Variants in CLIP2 observed in about 807,000 individuals in gnomAD.
The protein encoded by CLIP2 is CAP-Gly domain-containing linker protein 2.
Under a neutral mutation model 111.7 loss-of-function variants are expected in CLIP2, and 41 were observed. The ratio of observed to expected loss-of-function variants is 0.37; its 90% confidence interval spans 0.29 to 0.48. The LOEUF is 0.48. Ranked by LOEUF, CLIP2 falls within the 20% of genes least tolerant of loss-of-function variation. The pLI, the probability that CLIP2 is intolerant of heterozygous loss-of-function variation, is 0.99. For synonymous variants in CLIP2, 660 were observed against 644.2 expected (o/e 1.02, Z -0.37); for missense variants, 1,160 against 1,422.1 (o/e 0.82, Z 2.96).
chr7:74,381,067 CT>C, intron 11 of CLIP2: 8 of 414,666 alleles, frequency 1.9e-5, no homozygotes, highest in South Asian at 7.9e-5. Flanking sequence ...AAGTTGCTGT[CT>C]TTTTTTTCTT....
chr7:74,292,283 G>A lies in CLIP2; in HGVS notation c.-68+2549G>A, dbSNP rs993365846. On this transcript the variant is annotated intron_variant, in intron 1 of 16. Coordinates refer to ENST00000223398, the MANE Select transcript of CLIP2 (RefSeq NM_003388.5). ...CTTCCATACACAGGGGAGGGAAGCT[G>A]CATTTGTGACCCTCAGATTCCCTGC... Among the ~76,000 whole-genome samples, 6 of 152,172 alleles carry A rather than the reference G, an allele frequency of 3.9e-5. No homozygotes were observed. The South Asian group carries it at 8.3e-4, about 21-fold the overall frequency.
chr7:74,300,638 A>G (rs1788311222), intron 1 of CLIP2, among the ~76,000 whole-genome samples: 1 of 151,564 alleles, frequency 6.6e-6, no homozygotes, highest in Non-Finnish European at 1.5e-5. Flanking sequence ...TTATATTTTT[A>G]GTAGAGACGG....
intron 8 of CLIP2, among the ~76,000 whole-genome samples, chr7:74,366,557 A>C (rs1790473647): frequency 6.6e-6 from 1 of 152,240 alleles, no homozygotes; most frequent in African/African-American, 2.4e-5. Context: ...GCACAAACAT[A>C]TGCTTTCGCA....
chr7:74,384,215 A>G (rs1407769043), intron 11 of CLIP2, among the ~76,000 whole-genome samples: 3 of 151,880 alleles, frequency 2.0e-5, no homozygotes, highest in African/African-American at 4.8e-5. Flanking sequence ...CAACAAAACA[A>G]AACAAAAAAG....
intron 3 of CLIP2, among the ~76,000 whole-genome samples, chr7:74,349,173 C>T (rs1044995145): frequency 1.3e-5 from 2 of 151,832 alleles, no homozygotes; most frequent in African/African-American, 2.4e-5. Context: ...TAGCTTACGC[C>T]TGTAATCCCA....
intron 1 of CLIP2, among the ~76,000 whole-genome samples, chr7:74,300,798 A>T (rs1205051639): frequency 2.0e-5 from 3 of 152,180 alleles, no homozygotes; most frequent in Non-Finnish European, 4.4e-5. Context: ...TCCGTGGTAG[A>T]CATATACCGC....
intron 1 of CLIP2, among the ~76,000 whole-genome samples, chr7:74,312,410 C>T (rs1380531411): frequency 2.0e-5 from 3 of 152,090 alleles, no homozygotes; most frequent in African/African-American, 7.2e-5. Flanking sequence ...TCTCCCTTCT[C>T]TGCATCTGGA....
intron 3 of CLIP2, among the ~76,000 whole-genome samples, chr7:74,339,386 A>G (rs1356967070): frequency 6.6e-6 from 1 of 151,736 alleles, no homozygotes; most frequent in East Asian, 1.9e-4. Flanking sequence ...GCTCACTGTA[A>G]CCTCCACCTC....
Position 74,396,584 on chromosome 7 carries a change from G to A in CLIP2, c.2721-490G>A, listed in dbSNP as rs182006004. Among the ~76,000 whole-genome samples the A allele has an allele frequency of 1.3e-3, 202 of 152,148 alleles. 2 individuals carry two copies. Among genetic ancestry groups the A allele is most frequent in the South Asian group, 7.5e-3 (36 of 4,812 alleles). ...TGCCCAGGCTGGAGTGCAATGGCAC[G>A]ATCTTGGCTCACTGCAACCTCCACC... On this transcript the variant is annotated intron_variant, in intron 13 of 16. Transcript: ENST00000223398.
intron 2 of CLIP2, among the ~76,000 whole-genome samples, chr7:74,336,879 T>TG (rs1789484869): frequency 2.1e-5 from 1 of 48,318 alleles, no homozygotes; most frequent in South Asian, 7.9e-4. Context: ...TTTTTTGTTT[T>TG]TTTTTGTTTT....
At chr7:74,379,722 C>T (rs1437305599) in intron 10 of CLIP2, among the ~76,000 whole-genome samples, 3 of 151,012 alleles carry the variant, frequency 2.0e-5, no homozygotes, top group African/African-American at 7.3e-5. Flanking sequence ...GCCGAGATCA[C>T]GCCACTGCAC....
chr7:74,359,722 C>G (rs1790270668), intron 6 of CLIP2, among the ~76,000 whole-genome samples: 1 of 152,112 alleles, frequency 6.6e-6, no homozygotes, highest in East Asian at 1.9e-4. Context: ...TTGCCCCAAG[C>G]CTTGGGGCTG....
chr7:74,356,672 G>A, intron 5 of CLIP2, 49 bp downstream of exon 5: 1 of 1,532,300 alleles, frequency 6.5e-7, no homozygotes, highest in East Asian at 2.3e-5. Context: ...GTTTGGGAGG[G>A]GTGAGGATGT....
At position 74,405,651 on chromosome 7, in the gene CLIP2, T is replaced by C. The variant is rs543701944; in HGVS notation, c.*1803T>C. On this transcript the variant is annotated 3_prime_UTR_variant, in exon 17 of 17. Coordinates refer to ENST00000223398, the MANE Select transcript of CLIP2 (RefSeq NM_003388.5). ...AAATCAGGCAGCTCTGCCCCATCGG[T>C]AGGGGCACCGATTAGTCTACTAACA... The C allele has an allele frequency of 5.2e-5, 8 of 152,736 alleles. No homozygotes were observed. Among genetic ancestry groups the C allele is most frequent in the African/African-American group, 1.9e-4 (8 of 41,560 alleles). The allele number at this position is 152,736 out of a possible 1,614,324, so 9.5% of individuals were successfully genotyped here.
chr7:74,363,641 T>C (rs1384894236), intron 7 of CLIP2, among the ~76,000 whole-genome samples: 1 of 152,028 alleles, frequency 6.6e-6, no homozygotes, highest in African/African-American at 2.4e-5. Flanking sequence ...TCCCAGCACT[T>C]TGGGAGGCTG....
Position 74,376,903 on chromosome 7 carries a change from C to T in CLIP2, c.2421+81C>T. 6 of 1,306,656 alleles carry T rather than the reference C, an allele frequency of 4.6e-6. No homozygotes were observed. Among genetic ancestry groups the T allele is most frequent in the South Asian group, 1.5e-5 (1 of 65,382 alleles). The allele number at this position is 1,306,656 out of a possible 1,614,324, so 80.9% of individuals were successfully genotyped here. On this transcript the variant is annotated intron_variant, in intron 10 of 16. Coordinates refer to ENST00000223398, the MANE Select transcript of CLIP2 (RefSeq NM_003388.5). The surrounding 1 kb of genome is among the most constrained non-coding windows in gnomAD (Gnocchi z 7.1). ...CTTTTGCTGACCTCTGTTCTGCAGC[C>T]CAGGAAGCATTTCCCTTGTCCCCGA...
chr7:74,306,770 G>A lies in CLIP2; in HGVS notation c.-67-10710G>A, dbSNP rs145163026. Among the ~76,000 whole-genome samples the A allele has an allele frequency of 9.6e-4, 146 of 152,274 alleles. 1 individual carries two copies. Among genetic ancestry groups the A allele is most frequent in the East Asian group, 8.1e-3 (42 of 5,172 alleles). On this transcript the variant is annotated intron_variant, in intron 1 of 16. Coordinates refer to ENST00000223398, the MANE Select transcript of CLIP2 (RefSeq NM_003388.5). ...GTGACAGTCCCCTTCCCGAGCAGCCGGGCATACTCCTGGGGTGTCTTCTCT... is the reference window on the plus strand; with the variant it reads ...GTGACAGTCCCCTTCCCGAGCAGCCAGGCATACTCCTGGGGTGTCTTCTCT...
At chr7:74,301,634 C>T (rs1319538225) in intron 1 of CLIP2, among the ~76,000 whole-genome samples, 3 of 151,630 alleles carry the variant, frequency 2.0e-5, no homozygotes, top group East Asian at 1.9e-4. Context: ...TCAGGTGATC[C>T]GCCCACCTCC....
intron 14 of CLIP2, among the ~76,000 whole-genome samples, chr7:74,400,003 A>C (rs1791574431): frequency 1.3e-5 from 2 of 151,656 alleles, no homozygotes; most frequent in Non-Finnish European, 2.9e-5. Context: ...AAATAGGAAA[A>C]AATTAGCGGG....
Sources: gnomAD v4.1 joint callset for allele counts (sites outside exome capture counted in the v4.1 genomes callset) on GRCh38, gnomAD v4.1.1 for gene constraint, Gnocchi (gnomAD v3.1) non-coding constraint, MANE v1.5 for transcripts, NCBI Gene and HGNC (gene_info 2026-07-23, HGNC 2026-07-21) for gene names.